Variants in TNFRSF21 observed in about 807,000 individuals in gnomAD.
TNFRSF21 encodes the protein tumor necrosis factor receptor superfamily member 21.
In TNFRSF21, 19 loss-of-function variants were observed where a neutral mutation model predicts 45.6. The ratio of observed to expected loss-of-function variants is 0.42; its 90% CI spans 0.29 to 0.61. The LOEUF is 0.61. TNFRSF21 is among the 20% of genes least tolerant of loss of function. The probability of loss-of-function intolerance (pLI) is 0.23; values close to 1 mark genes in which losing one functional copy is unlikely to be tolerated. For missense variants in TNFRSF21, 737 were observed against 851.5 expected (o/e 0.87, Z 1.67); for synonymous variants, 314 against 335.5 (o/e 0.94, Z 0.70).
intron 4 of TNFRSF21, among the ~76,000 whole-genome samples, chr6:47,242,429 T>G (rs1764758191): frequency 6.6e-6 from 1 of 152,194 alleles, no homozygotes; most frequent in Non-Finnish European, 1.5e-5. Flanking sequence ...TCTCATCATT[T>G]CTAAGAGTTA....
At chr6:47,269,285 C>T (rs1474990497) in intron 3 of TNFRSF21, among the ~76,000 whole-genome samples, 1 of 151,970 alleles carries the variant, frequency 6.6e-6, no homozygotes, top group Admixed American at 6.6e-5. Flanking sequence ...ATCTTTATTG[C>T]TCTCCAATTT....
intron 1 of TNFRSF21, among the ~76,000 whole-genome samples, chr6:47,301,112 A>G (rs1371769609): frequency 6.6e-6 from 1 of 152,246 alleles, no homozygotes; most frequent in African/African-American, 2.4e-5. Flanking sequence ...TTCTTTCTTA[A>G]TAACTCATCT....
chr6:47,232,939 AG>A lies in TNFRSF21; in HGVS notation c.1793del (p.Pro598LeufsTer10). The A allele has an allele frequency of 6.2e-7, 1 of 1,614,200 alleles. No homozygotes were observed. Among genetic ancestry groups the A allele is most frequent in the Non-Finnish European group, 8.5e-7 (1 of 1,180,044 alleles). On this transcript the variant is annotated frameshift_variant, in exon 6 of 6. Transcript: ENST00000296861. LOFTEE classifies it high-confidence loss of function. ...QVRLDPCDLQ[P>X]IFDDMLHFLN... ...GAAAGTGGAGCATGTCATCAAAGAT[AG>A]GCTGCAAGTCACAGGGGTCCAGGCG...
intron 1 of TNFRSF21, among the ~76,000 whole-genome samples, chr6:47,303,168 T>A (rs1408866221): frequency 6.6e-6 from 1 of 152,220 alleles, no homozygotes; most frequent in African/African-American, 2.4e-5. Context: ...ATTAAGCTCA[T>A]GTTCCTTTTC....
chr6:47,281,924 T>G (rs1762572749), intron 3 of TNFRSF21, among the ~76,000 whole-genome samples: 2 of 152,128 alleles, frequency 1.3e-5, no homozygotes, highest in Admixed American at 1.3e-4. Context: ...TTATGCAGGC[T>G]TAGTCTGATA....
At chr6:47,272,117 G>A (rs968925220) in intron 3 of TNFRSF21, among the ~76,000 whole-genome samples, 13 of 151,932 alleles carry the variant, frequency 8.6e-5, no homozygotes, top group Non-Finnish European at 1.3e-4. Flanking sequence ...CGAAACAGAA[G>A]GGTAACAAGG....
intron 3 of TNFRSF21, among the ~76,000 whole-genome samples, chr6:47,267,596 C>T (rs1280028012): frequency 6.6e-6 from 1 of 152,164 alleles, no homozygotes; most frequent in Non-Finnish European, 1.5e-5. Flanking sequence ...TCCAGCTCTC[C>T]ATGAATGCTC....
intron 1 of TNFRSF21, among the ~76,000 whole-genome samples, chr6:47,294,357 TG>T (rs1762767813): frequency 6.6e-6 from 1 of 152,218 alleles, no homozygotes; most frequent in African/African-American, 2.4e-5. Context: ...TTGGCCAGGA[TG>T]GTCTCCATCT....
At chr6:47,241,794 C>G (rs2113844885) in intron 4 of TNFRSF21, among the ~76,000 whole-genome samples, 1 of 152,178 alleles carries the variant, frequency 6.6e-6, no homozygotes, top group South Asian at 2.1e-4. Flanking sequence ...GAGAAAAATT[C>G]CCCAAACTTT....
intron 3 of TNFRSF21, among the ~76,000 whole-genome samples, chr6:47,273,241 T>G (rs1762452600): frequency 6.6e-6 from 1 of 152,192 alleles, no homozygotes; most frequent in African/African-American, 2.4e-5. Flanking sequence ...ATATCCCTGA[T>G]GAACATCAAT....
intron 4 of TNFRSF21, among the ~76,000 whole-genome samples, chr6:47,250,762 C>T (rs1764890842): frequency 1.3e-5 from 2 of 152,222 alleles, no homozygotes; most frequent in Non-Finnish European, 2.9e-5. Context: ...TTCTGATTCA[C>T]TTGTTAGATG....
At chr6:47,270,385 C>A (rs9791370) in intron 3 of TNFRSF21, among the ~76,000 whole-genome samples, 47,034 of 151,974 alleles carry the variant, frequency 0.31, 7,484 homozygotes, top group Non-Finnish European at 0.35. Flanking sequence ...CTGGAGTGGA[C>A]CTCCAGCAAA....
rs1762820107 is a variant in TNFRSF21, at chr6:47,298,388, A to T, written c.96+11028T>A. On this transcript the variant is annotated intron_variant, in intron 1 of 5. Transcript: ENST00000296861. ...CACTCGAGCCCAGGAGGTTGAGGCT[A>T]CAGTGAGCTGCGATCACATGACTGA... Among the ~76,000 whole-genome samples, 8 of 151,926 alleles carry T rather than the reference A, an allele frequency of 5.3e-5. No individual in the cohort carries two copies. The South Asian group carries it at 1.7e-3, about 32-fold the overall frequency.
chr6:47,236,420 G>A (rs775687981), intron 4 of TNFRSF21, among the ~76,000 whole-genome samples: 2 of 152,158 alleles, frequency 1.3e-5, no homozygotes, highest in African/African-American at 2.4e-5. Flanking sequence ...GCTTTTCAAC[G>A]AAGACATTGA....
At chr6:47,307,541 C>A (rs1241358764) in intron 1 of TNFRSF21, among the ~76,000 whole-genome samples, 1 of 152,068 alleles carries the variant, frequency 6.6e-6, no homozygotes, top group Admixed American at 6.5e-5. Flanking sequence ...ACCGCCACAC[C>A]CACCTAATTT....
intron 4 of TNFRSF21, 115 bp downstream of exon 4, chr6:47,253,141 T>A: frequency 7.9e-7 from 1 of 1,260,882 alleles, no homozygotes; most frequent in Non-Finnish European, 1.1e-6. Flanking sequence ...CGTGTGTGTG[T>A]GTGTGTGCCT....
intron 4 of TNFRSF21, among the ~76,000 whole-genome samples, chr6:47,250,477 A>G (rs2113848790): frequency 6.6e-6 from 1 of 152,360 alleles, no homozygotes; most frequent in South Asian, 2.1e-4. Flanking sequence ...AAAAATGGCT[A>G]ATAGGCCACC....
chr6:47,258,714 T>C (rs1035859811), intron 3 of TNFRSF21, among the ~76,000 whole-genome samples: 1 of 152,176 alleles, frequency 6.6e-6, no homozygotes, highest in Non-Finnish European at 1.5e-5. Context: ...GCTGGGACTA[T>C]AGGAGTGAGC....
intron 4 of TNFRSF21, among the ~76,000 whole-genome samples, chr6:47,240,475 G>A (rs1424277507): frequency 1.3e-5 from 2 of 152,230 alleles, no homozygotes; most frequent in Admixed American, 6.5e-5. Context: ...CCATTTTACA[G>A]ATGAGGAAAC....
Sources: allele counts gnomAD v4.1 joint callset (sites outside exome capture counted in the v4.1 genomes callset), GRCh38; gene constraint gnomAD v4.1.1; transcripts MANE v1.5; gene names NCBI Gene and HGNC (gene_info 2026-07-23, HGNC 2026-07-21).